Variants in CDH18 observed in about 807,000 individuals in gnomAD.
The protein encoded by CDH18 is cadherin 18.
A neutral mutation model predicts 67.9 loss-of-function variants in CDH18; 31 were observed. The observed-to-expected ratio is 0.46, with a 90% confidence interval of 0.34 to 0.62. CDH18 has a LOEUF of 0.62. CDH18 is among the 20% of genes least tolerant of loss of function. The pLI is 0.01. For synonymous variants in CDH18, 362 were observed against 347.2 expected, an observed-to-expected ratio of 1.04 and a Z score of -0.48; for missense variants, 890 against 975.5, an observed-to-expected ratio of 0.91 and a Z score of 1.17.
chr5:19,999,813 G>C (rs1736301484), intron 2 of CDH18, among the ~76,000 whole-genome samples: 2 of 152,070 alleles, frequency 1.3e-5, no homozygotes, highest in African/African-American at 4.8e-5. Context: ...TCTGAATACG[G>C]GGCTTTATGC....
At chr5:19,633,367 C>G (rs142205277) in intron 5 of CDH18, among the ~76,000 whole-genome samples, 2 of 152,038 alleles carry the variant, frequency 1.3e-5, no homozygotes, top group Non-Finnish European at 2.9e-5. Context: ...ATTCAGTGAA[C>G]GTTGATTGCA....
chr5:20,460,887 G>T (rs547730644), intron 1 of CDH18, among the ~76,000 whole-genome samples: 1 of 151,880 alleles, frequency 6.6e-6, no homozygotes. Context: ...TCTTTTTGTC[G>T]CCATGAGTAA....
intron 1 of CDH18, among the ~76,000 whole-genome samples, chr5:20,498,452 T>C (rs1430263536): frequency 6.6e-6 from 1 of 152,088 alleles, no homozygotes; most frequent in East Asian, 1.9e-4. Context: ...TTGATCATAA[T>C]TTCTGATGTG....
intron 2 of CDH18, chr5:19,848,358 G>A (rs1461365669): frequency 6.6e-6 from 1 of 152,156 alleles, no homozygotes; most frequent in Non-Finnish European, 1.5e-5. Flanking sequence ...TGCTTTACCA[G>A]GGCGAGGTAT....
At chr5:20,471,645 CA>C (rs1233177910) in intron 1 of CDH18, among the ~76,000 whole-genome samples, 2 of 151,076 alleles carry the variant, frequency 1.3e-5, no homozygotes, top group Non-Finnish European at 3.0e-5. Flanking sequence ...ACTAAAAATA[CA>C]AAAAAATTAG....
intron 2 of CDH18, among the ~76,000 whole-genome samples, chr5:20,219,642 T>C (rs931705635): frequency 1.3e-5 from 2 of 151,902 alleles, no homozygotes; most frequent in Non-Finnish European, 2.9e-5. Flanking sequence ...CCTGAGCAAG[T>C]GGAATTTATC....
intron 4 of CDH18, among the ~76,000 whole-genome samples, chr5:19,736,452 T>C (rs897864045): frequency 1.3e-5 from 2 of 152,224 alleles, no homozygotes; most frequent in Non-Finnish European, 2.9e-5. Flanking sequence ...AATAATATTC[T>C]AGTAAATTAT....
At chr5:20,520,426 G>A (rs1254805081) in intron 1 of CDH18, among the ~76,000 whole-genome samples, 2 of 151,978 alleles carry the variant, frequency 1.3e-5, no homozygotes, top group Admixed American at 6.6e-5. Context: ...GTCTGATGTA[G>A]AGGCCAGACT....
intron 2 of CDH18, among the ~76,000 whole-genome samples, chr5:20,219,352 T>A (rs1561886833): frequency 1.3e-5 from 2 of 151,474 alleles, no homozygotes; most frequent in Admixed American, 6.6e-5. Context: ...CTAGCAAAAA[T>A]AAGCTTGGGA....
Position 20,304,545 on chromosome 5 carries a change from T to C in CDH18, c.-579-49040A>G, listed in dbSNP as rs367933681. On this transcript the variant is annotated intron_variant, in intron 1 of 14. Coordinates refer to the CDH18 transcript ENST00000507958. ...TTACTCTGGTAATATCTTTGCCAAA[T>C]AAACTGGAGTTTCCAGGGGAGAATG... 1.4e-4 allele frequency: 225 copies of C among 1,611,620 alleles called. 2 individuals carry two copies. In the East Asian group the frequency reaches 4.2e-3, roughly 30 times the overall value.
intron 2 of CDH18, among the ~76,000 whole-genome samples, chr5:20,103,144 G>A (rs571279362): frequency 6.6e-6 from 1 of 152,284 alleles, no homozygotes; most frequent in South Asian, 2.1e-4. Context: ...CCCCAGTACA[G>A]ACAAGCGTTC....
intron 1 of CDH18, among the ~76,000 whole-genome samples, chr5:20,502,567 TTTA>T (rs1231705119): frequency 6.6e-6 from 1 of 152,212 alleles, no homozygotes; most frequent in Non-Finnish European, 1.5e-5. Flanking sequence ...AGATGCTGTT[TTTA>T]TTTTTAAAAA....
At chr5:19,474,979 T>C (rs973443386) in intron 12 of CDH18, among the ~76,000 whole-genome samples, 3 of 152,112 alleles carry the variant, frequency 2.0e-5, no homozygotes, top group African/African-American at 7.2e-5. Context: ...AGGCTGAGTA[T>C]TATTTACTTC....
intron 1 of CDH18, among the ~76,000 whole-genome samples, chr5:20,476,319 G>A (rs546563936): frequency 1.4e-4 from 21 of 147,218 alleles, no homozygotes; most frequent in African/African-American, 5.1e-4. Context: ...TTAATATACC[G>A]ATACTGGCCA....
chr5:19,495,717 C>CAAAAAAAAAAAAAAAA (rs749003068), intron 11 of CDH18, among the ~76,000 whole-genome samples: 7 of 46,560 alleles, frequency 1.5e-4, no homozygotes, highest in Non-Finnish European at 2.0e-4. Flanking sequence ...GAAACTGTCT[C>CAAAAAAAAAAAAAAAA]AAAAAAAAAA....
chr5:20,074,925 T>C lies in CDH18; in HGVS notation c.-517-82911A>G, dbSNP rs138921527. ...ACTGTATTAGTCGTTTAACTTGGGATAAAAGAATTAAATACCTATATTATT... is the reference window on the plus strand; with the variant it reads ...ACTGTATTAGTCGTTTAACTTGGGACAAAAGAATTAAATACCTATATTATT... On this transcript the variant is annotated intron_variant, in intron 2 of 14. Coordinates refer to the CDH18 transcript ENST00000507958. 3.3e-5 allele frequency among the ~76,000 whole-genome samples: 5 copies of C among 152,302 alleles called. No individual in the cohort carries two copies. The East Asian group carries it at 9.6e-4, about 29-fold the overall frequency.
At chr5:20,530,904 A>C (rs974843798) in intron 1 of CDH18, among the ~76,000 whole-genome samples, 3 of 152,112 alleles carry the variant, frequency 2.0e-5, no homozygotes, top group African/African-American at 7.3e-5. Flanking sequence ...AATTAAACTA[A>C]AGAGCTTCTG....
At chr5:20,041,552 G>A (rs1394380411) in intron 2 of CDH18, among the ~76,000 whole-genome samples, 1 of 152,186 alleles carries the variant, frequency 6.6e-6, no homozygotes, top group East Asian at 1.9e-4. Flanking sequence ...AAACAAATAT[G>A]CAAGCTGCTT....
chr5:19,676,777 T>A (rs193211960), intron 5 of CDH18, among the ~76,000 whole-genome samples: 19 of 151,922 alleles, frequency 1.3e-4, no homozygotes, highest in African/African-American at 3.6e-4. Context: ...ACACTGTGCA[T>A]GCAGGCAGCC....
Sources: allele counts gnomAD v4.1 joint callset (sites outside exome capture counted in the v4.1 genomes callset), GRCh38; gene constraint gnomAD v4.1.1; transcripts MANE v1.5; gene names NCBI Gene and HGNC (gene_info 2026-07-23, HGNC 2026-07-21).